The following PEAK1 variants were observed in gnomAD, a reference collection of about 807,000 sequenced individuals.
PEAK1 encodes the protein pseudopodium enriched atypical kinase 1.
In PEAK1, 54 loss-of-function variants were observed where a neutral mutation model predicts 124.7. That is an observed-to-expected ratio of 0.43 (90% CI 0.35 to 0.54). The LOEUF (loss-of-function observed/expected upper bound fraction) is 0.54, where lower values mean the gene tolerates loss of function less well. Among genes scored for constraint, PEAK1 ranks in the 20% least tolerant of loss-of-function variants. PEAK1 has a pLI of 0.01. For synonymous variants in PEAK1, 719 were observed against 760.0 expected, an observed-to-expected ratio of 0.95 and a Z score of 0.89; for missense variants, 2,046 against 2,134.5, an observed-to-expected ratio of 0.96 and a Z score of 0.82.
chr15:77,263,104 G>C (rs1410658893), intron 5 of PEAK1, among the ~76,000 whole-genome samples: 1 of 152,176 alleles, frequency 6.6e-6, no homozygotes, highest in Non-Finnish European at 1.5e-5. Flanking sequence ...ATTCAAAGCA[G>C]TGCGTAGAGG....
chr15:77,325,167 T>G lies in PEAK1; in HGVS notation c.-602-38663A>C, dbSNP rs902816853. On this transcript the variant is annotated intron_variant, in intron 2 of 9. Coordinates refer to ENST00000682557, the MANE Select transcript of PEAK1 (RefSeq NM_001385026.1). ...GGTGTGGTGGCTCATGCCTACAATC[T>G]CAACAATTTGGGAGGCCAAGGTGGG... Among the ~76,000 whole-genome samples, 3 of 152,102 alleles carry G rather than the reference T, an allele frequency of 2.0e-5. No individual in the cohort carries two copies. In the South Asian group the frequency reaches 6.2e-4, roughly 31 times the overall value.
intron 5 of PEAK1, among the ~76,000 whole-genome samples, chr15:77,261,992 T>C (rs2061466089): frequency 6.6e-6 from 1 of 152,090 alleles, no homozygotes; most frequent in Non-Finnish European, 1.5e-5. Flanking sequence ...ACCCACAATT[T>C]CATATCCAGC....
chr15:77,367,985 A>G (rs1164742528), intron 1 of PEAK1, among the ~76,000 whole-genome samples: 1 of 152,192 alleles, frequency 6.6e-6, no homozygotes, highest in African/African-American at 2.4e-5. Flanking sequence ...ATCTGTTTAT[A>G]ATCTTTACGC....
At position 77,367,745 on chromosome 15, in the gene PEAK1, T is replaced by G. The variant is rs577773358; in HGVS notation, c.-665-2520A>C. On this transcript the variant is annotated intron_variant, in intron 1 of 9. Transcript: ENST00000682557. Reference sequence around the variant, plus strand: ...AAGTAAGTACGTATTTTTATGTTTATTTGGTGGTATTTTATTGAGAACCAG... The same window carrying G: ...AAGTAAGTACGTATTTTTATGTTTAGTTGGTGGTATTTTATTGAGAACCAG... Among the ~76,000 whole-genome samples the G allele has an allele frequency of 2.0e-5, 3 of 152,370 alleles. No homozygotes were observed. In the East Asian group the frequency reaches 5.8e-4, roughly 29 times the overall value.
chr15:77,191,665 T>C (rs1232289237), intron 6 of PEAK1, among the ~76,000 whole-genome samples: 1 of 152,180 alleles, frequency 6.6e-6, no homozygotes, highest in Non-Finnish European at 1.5e-5. Context: ...TCAGATTCTA[T>C]CAGGAAGGAG....
chr15:77,243,374 C>A (rs1201909309), intron 6 of PEAK1, among the ~76,000 whole-genome samples: 1 of 152,180 alleles, frequency 6.6e-6, no homozygotes. Flanking sequence ...ATGGCAACTG[C>A]ATAAACATTT....
rs778150577 is a variant in PEAK1 at position 77,180,907 on chromosome 15, G to A, written c.1020C>T (p.Asp340=). ...QGSIQSMVSS[D]STSPDSSLTE... ...TTAAAGAAGAATCTGGTGATGTGGA[G>A]TCAGATGACACCATGCTCTGAATGC... The change falls in exon 7 of 10, where the codon GAC becomes GAT. Residue 340 remains aspartate (D), a synonymous_variant. Transcript: ENST00000682557. The A allele has an allele frequency of 3.0e-5, 48 of 1,613,948 alleles. No individual in the cohort carries two copies. The highest frequency in any genetic ancestry group is 5.0e-5 in the Admixed American group (3 of 59,986).
At chr15:77,248,275 T>C (rs964406367) in intron 6 of PEAK1, among the ~76,000 whole-genome samples, 1 of 152,332 alleles carries the variant, frequency 6.6e-6, no homozygotes, top group South Asian at 2.1e-4. Flanking sequence ...TACCACTAAA[T>C]AGTCATTTGA....
At chr15:77,233,630 A>G (rs947394544) in intron 6 of PEAK1, among the ~76,000 whole-genome samples, 3 of 152,128 alleles carry the variant, frequency 2.0e-5, no homozygotes, top group Non-Finnish European at 2.9e-5. Flanking sequence ...TATATCATCT[A>G]ATTTATATTC....
At chr15:77,299,370 A>T (rs2063673253) in intron 2 of PEAK1, among the ~76,000 whole-genome samples, 1 of 152,226 alleles carries the variant, frequency 6.6e-6, no homozygotes, top group Admixed American at 6.5e-5. Context: ...TGCTGACATT[A>T]TGTCCCATCA....
At chr15:77,255,475 TACA>T (rs2061083274) in intron 5 of PEAK1, 1 of 760,002 alleles carries the variant, frequency 1.3e-6, no homozygotes, top group African/African-American at 1.9e-5. Flanking sequence ...TTGACAATGT[TACA>T]ACGTTTTGGG....
At chr15:77,117,420 CA>C (rs1322649030) in intron 9 of PEAK1, among the ~76,000 whole-genome samples, 3 of 152,202 alleles carry the variant, frequency 2.0e-5, no homozygotes, top group African/African-American at 7.2e-5. Context: ...ATATAGCGTA[CA>C]TCTGTAAACT....
intron 7 of PEAK1, among the ~76,000 whole-genome samples, chr15:77,167,111 A>AAT (rs890723659): frequency 9.1e-4 from 139 of 152,342 alleles, no homozygotes; most frequent in African/African-American, 3.2e-3. Context: ...AGAACACAAG[A>AAT]ATAAGTATAC....
At chr15:77,351,783 T>C (rs1274977916) in intron 2 of PEAK1, 1 of 985,302 alleles carries the variant, frequency 1.0e-6, no homozygotes, top group East Asian at 1.1e-4. Flanking sequence ...TTTATCTTGA[T>C]GAAAATGTGG....
intron 2 of PEAK1, among the ~76,000 whole-genome samples, chr15:77,328,205 G>C (rs2065691962): frequency 6.6e-6 from 1 of 152,056 alleles, no homozygotes; most frequent in Non-Finnish European, 1.5e-5. Flanking sequence ...CAATAAAAAA[G>C]AAAGTATATC....
At chr15:77,217,580 T>G (rs571386637) in intron 6 of PEAK1, among the ~76,000 whole-genome samples, 1 of 152,302 alleles carries the variant, frequency 6.6e-6, no homozygotes, top group Non-Finnish European at 1.5e-5. Context: ...GGCATCTACC[T>G]CATAGTTCTG....
chr15:77,381,289 C>G, intron 1 of PEAK1: 1 of 929,458 alleles, frequency 1.1e-6, no homozygotes, highest in Middle Eastern at 5.5e-4. Context: ...GTGATGTGTA[C>G]TTGTAGTTCA....
intron 9 of PEAK1, among the ~76,000 whole-genome samples, chr15:77,129,585 G>A (rs901321297): frequency 2.0e-5 from 3 of 149,038 alleles, no homozygotes; most frequent in Non-Finnish European, 3.0e-5. Context: ...ACAGGTGCCC[G>A]CCACAATGAC....
At chr15:77,420,888 A>C, upstream of PEAK1, 1 of 398,810 alleles carries the variant, frequency 2.5e-6, no homozygotes, top group Non-Finnish European at 4.4e-6. Flanking sequence ...ATTTTTGTCC[A>C]GCTGTGAGAC....
Sources: allele counts gnomAD v4.1 joint callset (sites outside exome capture counted in the v4.1 genomes callset), GRCh38; gene constraint gnomAD v4.1.1; transcripts MANE v1.5; gene names NCBI Gene and HGNC (gene_info 2026-07-23, HGNC 2026-07-21).